SV2C: variants seen among roughly 807,000 people sequenced by gnomAD.
The protein encoded by SV2C is solute carrier family 22 member B3.
Under a neutral mutation model 79.7 loss-of-function variants are expected in SV2C, and 49 were observed. The observed-to-expected ratio is 0.61, with a 90% confidence interval of 0.49 to 0.78. SV2C has a LOEUF of 0.78. Ranked by LOEUF, SV2C falls within the 30% of genes least tolerant of loss-of-function variation. The probability of loss-of-function intolerance (pLI) is 0.00; values close to 1 mark genes in which losing one functional copy is unlikely to be tolerated. For missense variants in SV2C, 833 were observed against 912.9 expected, an observed-to-expected ratio of 0.91 and a Z score of 1.13; for synonymous variants, 334 against 333.2, an observed-to-expected ratio of 1.00 and a Z score of -0.03.
the SV2C span, chr5:75,910,504 T>A: frequency 6.1e-5 from 38 of 618,016 alleles, no homozygotes; most frequent in South Asian, 6.0e-4. Flanking sequence ...CTTCTGCCTG[T>A]TGATGGTAGA....
intron 4 of SV2C, among the ~76,000 whole-genome samples, chr5:76,271,133 G>C (rs892139820): frequency 6.6e-6 from 1 of 151,816 alleles, no homozygotes; most frequent in African/African-American, 2.4e-5. Context: ...GGAAAAAAAA[G>C]AAATAAAAAT....
the SV2C span, among the ~76,000 whole-genome samples, chr5:76,018,184 G>T: frequency 5.3e-5 from 8 of 152,224 alleles, no homozygotes; most frequent in East Asian, 1.5e-3. Flanking sequence ...TTAATAGATC[G>T]TAATAATTTT....
the SV2C span, among the ~76,000 whole-genome samples, chr5:75,952,919 A>G: frequency 2.0e-5 from 3 of 152,104 alleles, no homozygotes; most frequent in South Asian, 6.2e-4. Context: ...TCTCCCTCCT[A>G]AGATCCAAAC....
the SV2C span, among the ~76,000 whole-genome samples, chr5:76,016,825 G>C: frequency 6.6e-6 from 1 of 152,182 alleles, no homozygotes; most frequent in Non-Finnish European, 1.5e-5. Flanking sequence ...TGCCATTATA[G>C]AAAACTTGGA....
the SV2C span, chr5:75,910,959 T>A: frequency 1.1e-6 from 1 of 913,328 alleles, no homozygotes; most frequent in African/African-American, 1.6e-5. Context: ...TCTTTAGTCA[T>A]TTATCCCCCA....
At chr5:76,059,917 T>C in the SV2C span, among the ~76,000 whole-genome samples, 3 of 152,126 alleles carry the variant, frequency 2.0e-5, no homozygotes, top group Non-Finnish European at 2.9e-5. Context: ...AGAATGGATG[T>C]TGTGTGCAGG....
At chr5:75,939,452 T>A in the SV2C span, among the ~76,000 whole-genome samples, 2 of 152,098 alleles carry the variant, frequency 1.3e-5, no homozygotes, top group Non-Finnish European at 2.9e-5. Flanking sequence ...CCTTAGGACC[T>A]AATCTAAACC....
intron 2 of SV2C, among the ~76,000 whole-genome samples, chr5:76,149,537 A>T (rs1205896621): frequency 6.6e-6 from 1 of 152,240 alleles, no homozygotes; most frequent in Non-Finnish European, 1.5e-5. Context: ...GATAATGAAG[A>T]TTATAAATGA....
At chr5:75,967,995 G>C in the SV2C span, among the ~76,000 whole-genome samples, 1 of 152,166 alleles carries the variant, frequency 6.6e-6, no homozygotes, top group Non-Finnish European at 1.5e-5. Context: ...TGATAAGGCA[G>C]CAGCATTTGT....
chr5:75,857,451 C>G, the SV2C span, among the ~76,000 whole-genome samples: 1 of 152,122 alleles, frequency 6.6e-6, no homozygotes, highest in Non-Finnish European at 1.5e-5. Context: ...GTTCTCCATT[C>G]TGTTCCATTG....
At chr5:76,147,864 A>G (rs9293674) in intron 2 of SV2C, among the ~76,000 whole-genome samples, 152,215 of 152,274 alleles carry the variant, frequency 1, 76,079 homozygotes, top group Non-Finnish European at 1. Context: ...TACCCTTTTT[A>G]AAATGTATCA....
the SV2C span, among the ~76,000 whole-genome samples, chr5:76,073,535 A>ATATATG: frequency 7.4e-6 from 1 of 134,808 alleles, no homozygotes. Flanking sequence ...ATATATATAT[A>ATATATG]TATATATATA....
chr5:75,934,637 G>A, the SV2C span, among the ~76,000 whole-genome samples: 1 of 152,112 alleles, frequency 6.6e-6, no homozygotes, highest in African/African-American at 2.4e-5. Context: ...TTGTTTTACA[G>A]TAAGAAATTT....
intron 12 of SV2C, among the ~76,000 whole-genome samples, chr5:76,350,830 A>G (rs1749628759): frequency 6.6e-6 from 1 of 152,192 alleles, no homozygotes; most frequent in Non-Finnish European, 1.5e-5. Flanking sequence ...CCTGGCCAAC[A>G]TAGTGAAACC....
intron 2 of SV2C, among the ~76,000 whole-genome samples, chr5:76,148,971 C>T (rs1749518743): frequency 6.6e-6 from 1 of 152,194 alleles, no homozygotes; most frequent in Non-Finnish European, 1.5e-5. Context: ...GCCACTCACT[C>T]TCCTCCCCAA....
intron 4 of SV2C, among the ~76,000 whole-genome samples, chr5:76,223,436 CATACATACATATATATAT>C (rs1745130876): frequency 2.0e-5 from 1 of 49,582 alleles, no homozygotes; most frequent in African/African-American, 6.5e-5. Flanking sequence ...TCTTTATATA[CATACATACATATATATAT>C]ATATATATAT....
chr5:76,267,982 C>A lies in SV2C; in HGVS notation c.914-17180C>A, dbSNP rs368090883. 1.4e-4 allele frequency among the ~76,000 whole-genome samples: 21 copies of A among 152,296 alleles called. No homozygotes were observed. In the East Asian group the frequency reaches 1.7e-3, roughly 13 times the overall value. ...ATCCCTGGGTCCCAGCCCAGCCCTCCTAAGTGGGACATTTCTAGTAACAGA... is the reference window on the plus strand; with the variant it reads ...ATCCCTGGGTCCCAGCCCAGCCCTCATAAGTGGGACATTTCTAGTAACAGA... On this transcript the variant is annotated intron_variant, in intron 4 of 12. Coordinates refer to ENST00000502798, the MANE Select transcript of SV2C (RefSeq NM_014979.4).
rs534169100 is a variant in SV2C, at chr5:76,203,432, C to A, written c.762-6304C>A. On this transcript the variant is annotated intron_variant, in intron 3 of 12. Coordinates refer to ENST00000502798, the MANE Select transcript of SV2C (RefSeq NM_014979.4). ...GCATGTTCTATCATTAATTATAGAA[C>A]ATCATAATGATCATCACCATCTTTA... Among the ~76,000 whole-genome samples the A allele has an allele frequency of 4.6e-5, 7 of 152,290 alleles. No homozygotes were observed. In the South Asian group the frequency reaches 1.5e-3, roughly 32 times the overall value.
intron 12 of SV2C, among the ~76,000 whole-genome samples, chr5:76,319,973 C>T (rs547184633): frequency 6.6e-6 from 1 of 152,170 alleles, no homozygotes; most frequent in Non-Finnish European, 1.5e-5. Context: ...CAACATATAT[C>T]TGGTCATTTA....
Sources: gnomAD v4.1 joint callset for allele counts (sites outside exome capture counted in the v4.1 genomes callset) on GRCh38, gnomAD v4.1.1 for gene constraint, MANE v1.5 for transcripts, NCBI Gene and HGNC (gene_info 2026-07-23, HGNC 2026-07-21) for gene names.